The following ENAH variants were observed in gnomAD, a reference collection of about 807,000 sequenced individuals.
ENAH encodes the protein ENAH actin regulator.
ENAH carries 23 observed loss-of-function variants against 78.7 expected under a neutral mutation model. That is an observed-to-expected ratio of 0.29 (90% confidence interval 0.21 to 0.41). ENAH has a LOEUF of 0.41. Ranked by LOEUF, ENAH falls within the 10% of genes least tolerant of loss-of-function variation. The pLI is 1.00. For synonymous variants in ENAH, 226 were observed against 241.0 expected (o/e 0.94, Z 0.58); for missense variants, 544 against 691.0 (o/e 0.79, Z 2.39).
At chr1:225,569,450 T>G (rs917617475) in intron 1 of ENAH, among the ~76,000 whole-genome samples, 3 of 152,212 alleles carry the variant, frequency 2.0e-5, no homozygotes, top group East Asian at 1.9e-4. Flanking sequence ...GTTGTGCACA[T>G]GTACCCTAGA....
intron 1 of ENAH, among the ~76,000 whole-genome samples, chr1:225,632,185 A>G (rs180874159): frequency 1.5e-4 from 23 of 152,338 alleles, no homozygotes; most frequent in Admixed American, 1.4e-3. Flanking sequence ...CAGATTAAAT[A>G]GAGAAAACAT....
intron 1 of ENAH, among the ~76,000 whole-genome samples, chr1:225,638,689 G>T (rs772643300): frequency 3.9e-5 from 6 of 152,188 alleles, no homozygotes; most frequent in Admixed American, 6.5e-5. Context: ...GGAAGGCACT[G>T]AAGTAGTTCA....
Position 225,514,670 on chromosome 1 carries a change from T to C in ENAH, c.1144A>G (p.Met382Val), listed in dbSNP as rs1410814630. ...LPASGFFLASMSEDNRPLTGL... is the reference protein window; with the variant it reads ...LPASGFFLASVSEDNRPLTGL... The stretch of plus-strand genomic sequence containing the variant: ...GTTAAAGGGCGATTGTCTTCTGACA[T>C]GGATGCCAAAAAGAATCCAGATGCA... The change falls in exon 7 of 14, where the codon ATG becomes GTG. Residue 382 changes from methionine (M) to valine (V), a missense_variant. Coordinates refer to ENST00000366843, the MANE Select transcript of ENAH (RefSeq NM_018212.6). 1.9e-6 allele frequency: 3 copies of C among 1,605,048 alleles called. No homozygotes were observed. Among genetic ancestry groups the C allele is most frequent in the Non-Finnish European group, 2.5e-6 (3 of 1,177,480 alleles).
chr1:225,551,154 G>A (rs745488530), intron 3 of ENAH, among the ~76,000 whole-genome samples: 3 of 152,078 alleles, frequency 2.0e-5, no homozygotes, highest in Non-Finnish European at 2.9e-5. Flanking sequence ...GGTATAAAAG[G>A]AAGAGCACTA....
chr1:225,561,297 A>G (rs1056339944), intron 2 of ENAH, among the ~76,000 whole-genome samples: 4 of 152,054 alleles, frequency 2.6e-5, no homozygotes, highest in African/African-American at 9.7e-5. Flanking sequence ...GAGGATAGAC[A>G]GTACTGCAAA....
At chr1:225,499,644 CCTGGGTAGCAGAGTG>C (rs2096270812) in intron 12 of ENAH, among the ~76,000 whole-genome samples, 1 of 152,092 alleles carries the variant, frequency 6.6e-6, no homozygotes, top group African/African-American at 2.4e-5. Flanking sequence ...TGCACTCCAG[CCTGGGTAGCAGAGTG>C]AGACTCTGTC....
chr1:225,650,327 C>T (rs1319402048), intron 1 of ENAH, among the ~76,000 whole-genome samples: 1 of 152,166 alleles, frequency 6.6e-6, no homozygotes, highest in African/African-American at 2.4e-5. Flanking sequence ...AAAACATCAG[C>T]GTGGTTCCTC....
intron 1 of ENAH, among the ~76,000 whole-genome samples, chr1:225,602,746 A>G (rs932964116): frequency 6.6e-6 from 1 of 152,146 alleles, no homozygotes; most frequent in Non-Finnish European, 1.5e-5. Flanking sequence ...GTAAAAAATA[A>G]GAGTGTAACA....
chr1:225,541,761 T>C (rs1191993329), intron 3 of ENAH, among the ~76,000 whole-genome samples: 1 of 152,218 alleles, frequency 6.6e-6, no homozygotes, highest in Non-Finnish European at 1.5e-5. Flanking sequence ...TTTTTATAAA[T>C]AGCACACGAC....
Position 225,507,931 on chromosome 1 carries a change from T to C in ENAH, c.1538+20A>G. ...TTTTTATACAAATAAAATATAAAAC[T>C]TAGAGAAAAAAATTGATACCTGGAG... On this transcript the variant is annotated intron_variant, in intron 11 of 13. Transcript: ENST00000366843. 6.6e-7 allele frequency: 1 copy of C among 1,509,744 alleles called. No individual in the cohort carries two copies. 93.5% of individuals were successfully genotyped at this position (1,509,744 alleles called of 1,614,324 possible).
rs2096388955 is a variant in ENAH at position 225,512,997 on chromosome 1, G to A, written c.1238C>T (p.Pro413Leu). The A allele has an allele frequency of 6.2e-7, 1 of 1,612,484 alleles. No individual in the cohort carries two copies. The highest frequency in any genetic ancestry group is 1.7e-5 in the Admixed American group (1 of 59,708). Residue 413 changes from proline to leucine, a missense_variant, in exon 8 of 14, where the codon CCA becomes CTA. By Grantham distance (98) the Pro-to-Leu change is moderately conservative. This residue lies in a region of ENAH where 366 missense variants were observed against 396.1 expected (regional missense o/e 0.92). Coordinates refer to ENST00000366843, the MANE Select transcript of ENAH (RefSeq NM_018212.6). The part of the protein sequence containing the change: ...KVSRMEDTSF[P>L]SGGNAIGVNS... ...CACACCAATAGCATTCCCTCCACTT[G>A]GGAAAGAGGTATCCTCCATCTTAAT... is the stretch of plus-strand genomic sequence containing the variant.
chr1:225,634,175 G>A (rs150005741), intron 1 of ENAH, among the ~76,000 whole-genome samples: 300 of 152,194 alleles, frequency 2.0e-3, no homozygotes, highest in African/African-American at 6.9e-3. Flanking sequence ...TGTGGTTGGG[G>A]TACTAGGCTA....
intron 6 of ENAH, chr1:225,515,158 T>G: frequency 2.4e-6 from 1 of 409,888 alleles, no homozygotes; most frequent in Non-Finnish European, 4.3e-6. Context: ...AATTAAGACT[T>G]TTTTTTTTCA....
intron 1 of ENAH, among the ~76,000 whole-genome samples, chr1:225,643,407 A>G (rs2148465862): frequency 6.6e-6 from 1 of 152,290 alleles, no homozygotes; most frequent in Admixed American, 6.5e-5. Context: ...TAAAAAAAAA[A>G]ACAAAACACA....
intron 3 of ENAH, among the ~76,000 whole-genome samples, chr1:225,551,934 G>T (rs922862946): frequency 6.6e-6 from 1 of 152,120 alleles, no homozygotes; most frequent in Non-Finnish European, 1.5e-5. Flanking sequence ...GACAGTAGAT[G>T]ATTTCAGCAG....
intron 1 of ENAH, among the ~76,000 whole-genome samples, chr1:225,615,199 C>A (rs1362345587): frequency 6.6e-6 from 1 of 152,226 alleles, no homozygotes; most frequent in African/African-American, 2.4e-5. Flanking sequence ...CGCGCCGCCA[C>A]GCCTGACTGG....
At chr1:225,539,714 A>G (rs1405079014) in intron 3 of ENAH, among the ~76,000 whole-genome samples, 5 of 152,142 alleles carry the variant, frequency 3.3e-5, no homozygotes, top group African/African-American at 1.2e-4. Flanking sequence ...ATTGCTCTCT[A>G]GGCTCTAGGT....
intron 13 of ENAH, 88 bp downstream of exon 13, chr1:225,498,259 G>T: frequency 1.9e-6 from 2 of 1,072,248 alleles, no homozygotes; most frequent in Admixed American, 2.2e-5. Context: ...CAACTAATCA[G>T]CTGGGTATTT....
At chr1:225,627,236 C>T (rs1457227789) in intron 1 of ENAH, among the ~76,000 whole-genome samples, 2 of 152,172 alleles carry the variant, frequency 1.3e-5, no homozygotes, top group Non-Finnish European at 2.9e-5. Flanking sequence ...GAAAATATCA[C>T]AACACCCTGA....
Sources: allele counts gnomAD v4.1 joint callset (sites outside exome capture counted in the v4.1 genomes callset), GRCh38; gene constraint gnomAD v4.1.1; regional missense constraint gnomAD v4.1.1; transcripts MANE v1.5; gene names NCBI Gene and HGNC (gene_info 2026-07-23, HGNC 2026-07-21).